The following NXNL2 variants were observed in gnomAD, a reference collection of about 807,000 sequenced individuals.
The protein encoded by NXNL2 is nucleoredoxin-like protein 2.
Under a neutral mutation model 11.1 loss-of-function variants are expected in NXNL2, and 7 were observed. That is an observed-to-expected ratio of 0.63 (90% confidence interval 0.36 to 1.18). NXNL2 has a LOEUF of 1.18. NXNL2 is among the 50% of genes most tolerant of loss of function. NXNL2 has a pLI of 0.02. For synonymous variants in NXNL2, 109 were observed against 101.8 expected, an observed-to-expected ratio of 1.07 and a Z score of -0.42; for missense variants, 233 against 217.7, an observed-to-expected ratio of 1.07 and a Z score of -0.44.
rs747943917 is a variant in NXNL2, at chr9:88,535,752, G to A, written c.302+16G>A. The A allele has an allele frequency of 6.5e-7, 1 of 1,530,262 alleles. No individual in the cohort carries two copies. The highest frequency in any genetic ancestry group is 2.3e-5 in the East Asian group (1 of 44,040). 94.8% of individuals were successfully genotyped at this position (1,530,262 alleles called of 1,614,324 possible). On this transcript the variant is annotated intron_variant, in intron 1 of 1. Transcript: ENST00000375854. Reference sequence around the variant, plus strand: ...CCTACCGGCAGTGAGTGGGGGTCCTGGGGGGGCGGGGGCCGCCCGGCACGT... The same window carrying A: ...CCTACCGGCAGTGAGTGGGGGTCCTAGGGGGGCGGGGGCCGCCCGGCACGT...
At chr9:88,573,996 C>T (rs2118540459) in intron 2 of NXNL2, among the ~76,000 whole-genome samples, 1 of 152,328 alleles carries the variant, frequency 6.6e-6, no homozygotes, top group East Asian at 1.9e-4. Context: ...GGATGTGGAG[C>T]CTCTGGAACA....
intron 1 of NXNL2, among the ~76,000 whole-genome samples, chr9:88,550,404 A>AT (rs1428045236): frequency 1.3e-5 from 2 of 152,222 alleles, no homozygotes; most frequent in African/African-American, 2.4e-5. Flanking sequence ...TGAGGCATTT[A>AT]TTGTGAGGTG....
At chr9:88,548,614 C>T (rs961217886), downstream of NXNL2, among the ~76,000 whole-genome samples, 5 of 135,116 alleles carry the variant, frequency 3.7e-5, no homozygotes, top group East Asian at 2.4e-4. Context: ...GCCTGGGAGG[C>T]GGAGCTTGCA....
downstream of NXNL2, among the ~76,000 whole-genome samples, chr9:88,575,993 G>C (rs1830344278): frequency 6.6e-6 from 1 of 152,176 alleles, no homozygotes; most frequent in African/African-American, 2.4e-5. Context: ...AGGAGTTCGA[G>C]ATCAGCCTGG....
At chr9:88,562,781 A>C (rs545799991) in intron 1 of NXNL2, among the ~76,000 whole-genome samples, 51 of 151,506 alleles carry the variant, frequency 3.4e-4, no homozygotes, top group African/African-American at 1.1e-3. Flanking sequence ...TGAGGCATTA[A>C]GAGACATACA....
intron 1 of NXNL2, among the ~76,000 whole-genome samples, chr9:88,553,700 AT>A: frequency 6.6e-6 from 1 of 152,258 alleles, no homozygotes; most frequent in East Asian, 1.9e-4. Context: ...AAGAAATCAT[AT>A]CTCCTTTATA....
downstream of NXNL2, among the ~76,000 whole-genome samples, chr9:88,576,960 T>A (rs534840589): frequency 8.9e-5 from 1 of 11,232 alleles, no homozygotes; most frequent in African/African-American, 4.4e-4. Context: ...ACCCATAGAG[T>A]GGTAGGTAGG....
At chr9:88,543,284 T>C (rs1829795569) in intron 1 of NXNL2, among the ~76,000 whole-genome samples, 1 of 150,378 alleles carries the variant, frequency 6.6e-6, no homozygotes, top group South Asian at 2.1e-4. Context: ...TTTTTTTTTT[T>C]TCCTTAGAAA....
chr9:88,546,782 T>C (rs1276968013), downstream of NXNL2, among the ~76,000 whole-genome samples: 1 of 152,140 alleles, frequency 6.6e-6, no homozygotes, highest in East Asian at 1.9e-4. Context: ...ATTCCAGCCT[T>C]CTTTCCGAGA....
In NXNL2 at chr9:88,535,638, C is replaced by T. The variant is rs1469700762; in HGVS notation, c.204C>T (p.Val68=). 1 of 1,609,074 alleles carries T rather than the reference C, an allele frequency of 6.2e-7. No individual in the cohort carries two copies. The highest frequency in any genetic ancestry group is 2.2e-5 in the East Asian group (1 of 44,836). ...EARRPAPFEV[V]FVSADGSSQE... is the part of the protein sequence containing the mutation. ...GGCGGCCCGCGCCCTTCGAAGTGGT[C>T]TTCGTGTCAGCCGACGGCAGCTCCC... The change falls in exon 1 of 2, where the codon GTC becomes GTT. Residue 68 remains valine (V), a synonymous_variant. Transcript: ENST00000375854.
downstream of NXNL2, chr9:88,545,024 A>C (rs1457889110): frequency 2.9e-6 from 1 of 341,718 alleles, no homozygotes; most frequent in Admixed American, 6.4e-5. Context: ...GCCAGTAGGA[A>C]GAAAAGGAGT....
At chr9:88,564,285 T>TTATC (rs71507766) in intron 1 of NXNL2, among the ~76,000 whole-genome samples, 44,885 of 139,880 alleles carry the variant, frequency 0.32, 7,719 homozygotes, top group Non-Finnish European at 0.4. Flanking sequence ...TATCTATCTA[T>TTATC]TATCTATCTA....
At chr9:88,541,840 G>A (rs988285439) in intron 1 of NXNL2, among the ~76,000 whole-genome samples, 2 of 152,176 alleles carry the variant, frequency 1.3e-5, no homozygotes, top group African/African-American at 4.8e-5. Context: ...CTTGGGATTT[G>A]TAGTATATTC....
At chr9:88,546,151 G>A (rs571835087), downstream of NXNL2, among the ~76,000 whole-genome samples, 116 of 132,710 alleles carry the variant, frequency 8.7e-4, no homozygotes, top group Non-Finnish European at 1.7e-3. Context: ...GAGTGTTCGT[G>A]TGTGTGTGTG....
intron 1 of NXNL2, among the ~76,000 whole-genome samples, chr9:88,559,387 A>G (rs1830058392): frequency 6.6e-6 from 1 of 152,232 alleles, no homozygotes; most frequent in Admixed American, 6.5e-5. Context: ...GGAGGCTGCA[A>G]CACGAGCTTG....
downstream of NXNL2, among the ~76,000 whole-genome samples, chr9:88,579,878 C>G (rs1830390275): frequency 6.6e-6 from 1 of 152,026 alleles, no homozygotes; most frequent in Non-Finnish European, 1.5e-5. Context: ...CGCCTGTAAT[C>G]CCAGCAATTT....
intron 1 of NXNL2, chr9:88,538,363 A>G (rs1313705265): frequency 6.6e-6 from 1 of 152,276 alleles, no homozygotes; most frequent in African/African-American, 2.4e-5. Flanking sequence ...AGCAGCAATG[A>G]GAACAACTCA....
chr9:88,556,873 C>T (rs112622380), intron 1 of NXNL2, among the ~76,000 whole-genome samples: 2 of 151,766 alleles, frequency 1.3e-5, no homozygotes, highest in Non-Finnish European at 2.9e-5. Context: ...CTCAGGAGGT[C>T]GAGACCATCC....
At chr9:88,575,156 T>C in exon 3 of NXNL2, 1 of 985,036 alleles carries the variant, frequency 1.0e-6, no homozygotes, top group Non-Finnish European at 1.2e-6. Context: ...GCAGCTGTTC[T>C]CCCCCCGCAC....
Sources: gnomAD v4.1 joint callset for allele counts (sites outside exome capture counted in the v4.1 genomes callset) on GRCh38, gnomAD v4.1.1 for gene constraint, MANE v1.5 for transcripts, NCBI Gene and HGNC (gene_info 2026-07-23, HGNC 2026-07-21) for gene names.